The following B3GALT1 variants were observed in gnomAD, a reference collection of about 807,000 sequenced individuals.
B3GALT1 encodes beta-1,3-galactosyltransferase 1.
B3GALT1 carries 10 observed loss-of-function variants against 23.2 expected under a neutral mutation model. The observed-to-expected ratio is 0.43, with a 90% CI of 0.27 to 0.73. The LOEUF (loss-of-function observed/expected upper bound fraction) is 0.73, where lower values mean the gene tolerates loss of function less well. Ranked by LOEUF, B3GALT1 falls within the 30% of genes least tolerant of loss-of-function variation. The pLI is 0.21. For missense variants in B3GALT1, 299 were observed against 405.4 expected (o/e 0.74, Z 2.25); for synonymous variants, 156 against 141.5 (o/e 1.10, Z -0.73).
chr2:167,545,298 G>A (rs143932032), intron 2 of B3GALT1, among the ~76,000 whole-genome samples: 8,377 of 152,038 alleles, frequency 0.055, 681 homozygotes, highest in African/African-American at 0.18. Context: ...GCCTCCCAAA[G>A]TGCTGGGATT....
In B3GALT1 at chr2:167,869,244, G is replaced by C; in HGVS notation, c.205G>C (p.Glu69Gln). 1 of 1,614,082 alleles carries C rather than the reference G, an allele frequency of 6.2e-7. No homozygotes were observed. The highest frequency in any genetic ancestry group is 8.5e-7 in the Non-Finnish European group (1 of 1,180,024). Residue 69 changes from glutamate (E) to glutamine (Q), a missense_variant, in exon 5 of 5, where the codon GAG becomes CAG. Glu to Gln is a conservative substitution (Grantham distance 29). This residue lies in a region of B3GALT1 where 162 missense variants were observed against 184.1 expected (regional missense o/e 0.88). Coordinates refer to ENST00000392690, the MANE Select transcript of B3GALT1 (RefSeq NM_020981.4). The surrounding 1 kb of genome is among the most constrained non-coding windows in gnomAD (Gnocchi z 6.4). The stretch of plus-strand genomic sequence containing the variant: ...ACATTCTTTTGAATTTCTTATCAAC[G>C]AGCCCAATAAATGTGAGAAAAACAT... The part of the protein sequence containing the change: ...NPHSFEFLIN[E>Q]PNKCEKNIPF...
At chr2:167,859,623 A>C (rs956940686) in intron 4 of B3GALT1, among the ~76,000 whole-genome samples, 4 of 152,194 alleles carry the variant, frequency 2.6e-5, no homozygotes, top group Admixed American at 2.0e-4. Flanking sequence ...AAAGGTTCAA[A>C]TCATTTCTTC....
chr2:167,433,773 G>T (rs534685323), intron 1 of B3GALT1, among the ~76,000 whole-genome samples: 1 of 152,256 alleles, frequency 6.6e-6, no homozygotes, highest in African/African-American at 2.4e-5. Flanking sequence ...ATTAAAACAC[G>T]TAATAGGCCA....
chr2:167,575,446 A>G (rs1684363778), intron 2 of B3GALT1, among the ~76,000 whole-genome samples: 1 of 151,798 alleles, frequency 6.6e-6, no homozygotes, highest in Admixed American at 6.6e-5. Flanking sequence ...CATACAGATC[A>G]TTCATAATAA....
chr2:167,643,317 T>A (rs951737372), intron 2 of B3GALT1, among the ~76,000 whole-genome samples: 1 of 152,226 alleles, frequency 6.6e-6, no homozygotes, highest in Non-Finnish European at 1.5e-5. Flanking sequence ...GATCATGTTA[T>A]AAGTGGCATT....
At chr2:167,624,833 G>C (rs1003335473) in intron 2 of B3GALT1, among the ~76,000 whole-genome samples, 1 of 152,006 alleles carries the variant, frequency 6.6e-6, no homozygotes, top group African/African-American at 2.4e-5. Flanking sequence ...CTCATGAGGA[G>C]CATCCAGTAT....
chr2:167,773,558 G>C (rs1459881009), intron 3 of B3GALT1, among the ~76,000 whole-genome samples: 6 of 152,216 alleles, frequency 3.9e-5, no homozygotes, highest in African/African-American at 1.2e-4. Flanking sequence ...AACTGCAGAA[G>C]AGCAGGACAC....
intron 1 of B3GALT1, among the ~76,000 whole-genome samples, chr2:167,451,476 G>A (rs922919815): frequency 5.9e-5 from 9 of 152,068 alleles, no homozygotes; most frequent in African/African-American, 1.9e-4. Context: ...TCTGGATCTC[G>A]CCATTCAGCA....
At chr2:167,689,867 C>G (rs1686682194) in intron 3 of B3GALT1, among the ~76,000 whole-genome samples, 1 of 152,108 alleles carries the variant, frequency 6.6e-6, no homozygotes, top group Non-Finnish European at 1.5e-5. Flanking sequence ...TTGTTAAGGA[C>G]TGTGCCAGGA....
At chr2:167,789,788 C>T (rs1017951977) in intron 3 of B3GALT1, among the ~76,000 whole-genome samples, 2 of 152,120 alleles carry the variant, frequency 1.3e-5, no homozygotes, top group African/African-American at 4.8e-5. Context: ...CCTCCTCCCC[C>T]ACAGCCCCCA....
At chr2:167,444,046 A>G (rs1244920186) in intron 1 of B3GALT1, among the ~76,000 whole-genome samples, 6 of 152,234 alleles carry the variant, frequency 3.9e-5, no homozygotes, top group Admixed American at 3.3e-4. Context: ...CATCCCATCA[A>G]TACCTAATTT....
At chr2:167,452,724 T>C (rs1267750045) in intron 1 of B3GALT1, among the ~76,000 whole-genome samples, 1 of 152,198 alleles carries the variant, frequency 6.6e-6, no homozygotes, top group Non-Finnish European at 1.5e-5. Context: ...GTATCCATCA[T>C]TTTCCTCCCA....
At chr2:167,332,150 T>C (rs1040241350) in intron 1 of B3GALT1, among the ~76,000 whole-genome samples, 1 of 152,114 alleles carries the variant, frequency 6.6e-6, no homozygotes, top group African/African-American at 2.4e-5. Flanking sequence ...GAGTACACAA[T>C]AGTCAAGGGG....
At chr2:167,427,187 GATA>G (rs1698634843) in intron 1 of B3GALT1, among the ~76,000 whole-genome samples, 1 of 152,194 alleles carries the variant, frequency 6.6e-6, no homozygotes, top group African/African-American at 2.4e-5. Flanking sequence ...GCAAGCTTAA[GATA>G]ATAAGGAAAT....
intron 2 of B3GALT1, among the ~76,000 whole-genome samples, chr2:167,575,186 G>T: frequency 6.6e-6 from 1 of 151,766 alleles, no homozygotes; most frequent in East Asian, 1.9e-4. Flanking sequence ...AAGAATAGCT[G>T]AACACAGTAA....
rs1021907868 is a variant in B3GALT1 at position 167,565,964 on chromosome 2, C to T, written c.-410+75687C>T. 1.3e-5 allele frequency among the ~76,000 whole-genome samples: 2 copies of T among 152,116 alleles called. 1 individual carries two copies. Among genetic ancestry groups the T allele is most frequent in the African/African-American group, 4.8e-5 (2 of 41,440 alleles). ...GTGGCGATTCCTCAGGGATGTAGAA[C>T]TAGAAATACCATTTGACCCAGCCAT... On this transcript the variant is annotated intron_variant, in intron 2 of 4. Coordinates refer to ENST00000392690, the MANE Select transcript of B3GALT1 (RefSeq NM_020981.4).
At chr2:167,443,439 G>T (rs142071896) in intron 1 of B3GALT1, among the ~76,000 whole-genome samples, 1 of 152,264 alleles carries the variant, frequency 6.6e-6, no homozygotes, top group Non-Finnish European at 1.5e-5. Flanking sequence ...GATGGGAATG[G>T]CATTGAATCT....
intron 3 of B3GALT1, among the ~76,000 whole-genome samples, chr2:167,739,727 A>G (rs531768587): frequency 1.3e-5 from 2 of 152,282 alleles, no homozygotes; most frequent in Non-Finnish European, 2.9e-5. Context: ...TTCAATAAAT[A>G]TTTGTGAAAT....
chr2:167,681,719 C>T (rs1011221405), intron 3 of B3GALT1, among the ~76,000 whole-genome samples: 1 of 152,194 alleles, frequency 6.6e-6, no homozygotes, highest in African/African-American at 2.4e-5. Context: ...ATATTCTAAA[C>T]CCATATATGT....
Sources: allele counts gnomAD v4.1 joint callset (sites outside exome capture counted in the v4.1 genomes callset), GRCh38; gene constraint gnomAD v4.1.1; regional missense constraint gnomAD v4.1.1; non-coding constraint Gnocchi (gnomAD v3.1); transcripts MANE v1.5; gene names NCBI Gene and HGNC (gene_info 2026-07-23, HGNC 2026-07-21).